Variants in UNC5D observed in about 807,000 individuals in gnomAD.
UNC5D encodes unc-5 netrin receptor D, also known as netrin receptor UNC5D.
In UNC5D, 39 loss-of-function variants were observed where a neutral mutation model predicts 105.4. That is an observed-to-expected ratio of 0.37 (90% CI 0.29 to 0.48). UNC5D has a LOEUF of 0.48. UNC5D is among the 20% of genes least tolerant of loss of function. The pLI is 0.98. For synonymous variants in UNC5D, 452 were observed against 450.4 expected, an observed-to-expected ratio of 1.00 and a Z score of -0.04; for missense variants, 991 against 1,202.4, an observed-to-expected ratio of 0.82 and a Z score of 2.60.
chr8:35,334,583 G>A (rs1052441348), intron 1 of UNC5D, among the ~76,000 whole-genome samples: 3 of 151,864 alleles, frequency 2.0e-5, no homozygotes, highest in Admixed American at 2.0e-4. Flanking sequence ...CACCATCTCG[G>A]CTCACTGCAA....
At chr8:35,416,358 GA>G (rs1372895137) in intron 1 of UNC5D, among the ~76,000 whole-genome samples, 1 of 152,080 alleles carries the variant, frequency 6.6e-6, no homozygotes, top group Non-Finnish European at 1.5e-5. Flanking sequence ...CCCAGCAAAA[GA>G]AAGAAAAGTT....
chr8:35,446,011 A>AT (rs1184317981), intron 1 of UNC5D, among the ~76,000 whole-genome samples: 1 of 151,848 alleles, frequency 6.6e-6, no homozygotes, highest in Admixed American at 6.6e-5. Flanking sequence ...TTTTTCTTAA[A>AT]TTTTTTATTT....
In UNC5D at chr8:35,610,144, G is replaced by C. The variant is rs1820575802; in HGVS notation, c.570+14487G>C. The stretch of plus-strand genomic sequence containing the variant: ...ATTTGAAAAAAAAAAAGTGCTATGA[G>C]ATGCTGAAAAGCTATATGAGCTTTC... On this transcript the variant is annotated intron_variant, in intron 4 of 16. Transcript: ENST00000404895. Among the ~76,000 whole-genome samples, 3 of 151,880 alleles carry C rather than the reference G, an allele frequency of 2.0e-5. No homozygotes were observed. The South Asian group carries it at 6.2e-4, about 32-fold the overall frequency.
chr8:35,239,593 GGGT>G (rs1268080366), intron 1 of UNC5D, among the ~76,000 whole-genome samples: 1 of 151,900 alleles, frequency 6.6e-6, no homozygotes, highest in East Asian at 1.9e-4. Flanking sequence ...TTAAGGAAGG[GGGT>G]GGTGGTGGTG....
intron 1 of UNC5D, among the ~76,000 whole-genome samples, chr8:35,376,774 G>A (rs781490755): frequency 1.4e-4 from 21 of 152,110 alleles, no homozygotes; most frequent in Non-Finnish European, 2.6e-4. Context: ...GCTGTCCACA[G>A]TGATCTCTGA....
chr8:35,405,960 C>T lies in UNC5D; in HGVS notation c.104-143332C>T, dbSNP rs573362050. On this transcript the variant is annotated intron_variant, in intron 1 of 16. Coordinates refer to ENST00000404895, the MANE Select transcript of UNC5D (RefSeq NM_080872.4). The stretch of plus-strand genomic sequence containing the variant: ...TTCTAGGTTTGCAGACTTAAATGGA[C>T]TAAAGGGAAGGAAAATGCAAAAATT... 1.9e-4 allele frequency among the ~76,000 whole-genome samples: 29 copies of T among 152,080 alleles called. No homozygotes were observed. The East Asian group carries it at 5.6e-3, about 29-fold the overall frequency.
At chr8:35,741,416 A>C (rs1327784869) in intron 11 of UNC5D, among the ~76,000 whole-genome samples, 1 of 152,020 alleles carries the variant, frequency 6.6e-6, no homozygotes, top group African/African-American at 2.4e-5. Context: ...TTAATAGTAC[A>C]TCCATATGCT....
chr8:35,711,799 T>G (rs186643977), intron 8 of UNC5D, among the ~76,000 whole-genome samples: 14 of 152,342 alleles, frequency 9.2e-5, no homozygotes, highest in African/African-American at 3.1e-4. Context: ...TATATTTTCA[T>G]TGCCTTTATT....
Position 35,311,318 on chromosome 8 carries a change from A to T in UNC5D, c.103+75431A>T, listed in dbSNP as rs543093202. On this transcript the variant is annotated intron_variant, in intron 1 of 16. Transcript: ENST00000404895. Reference sequence around the variant, plus strand: ...TGCCAAAAAGTCTGGACCATGGAAGATGTTTTTTTTCAGAGGAGCGATGTG... The same window carrying T: ...TGCCAAAAAGTCTGGACCATGGAAGTTGTTTTTTTTCAGAGGAGCGATGTG... Among the ~76,000 whole-genome samples, 3 of 152,252 alleles carry T rather than the reference A, an allele frequency of 2.0e-5. 1 individual carries two copies. The South Asian group carries it at 6.2e-4, about 32-fold the overall frequency.
intron 8 of UNC5D, 55 bp downstream of exon 8, chr8:35,706,016 T>C (rs1394865280): frequency 4.3e-6 from 5 of 1,169,654 alleles, no homozygotes; most frequent in Non-Finnish European, 4.8e-6. Flanking sequence ...GCTGCCTTGC[T>C]GTTGTATTTG....
chr8:35,249,017 T>A (rs1169117611), intron 1 of UNC5D, among the ~76,000 whole-genome samples: 2 of 46,090 alleles, frequency 4.3e-5, no homozygotes, highest in South Asian at 2.9e-3. Context: ...ATAATATATA[T>A]TATATATGTT....
chr8:35,772,959 T>C (rs1802075531), intron 15 of UNC5D, among the ~76,000 whole-genome samples: 1 of 152,098 alleles, frequency 6.6e-6, no homozygotes, highest in African/African-American at 2.4e-5. Flanking sequence ...AGGAAGCTCA[T>C]AGACTGGCTG....
intron 8 of UNC5D, among the ~76,000 whole-genome samples, chr8:35,706,805 A>G (rs928113345): frequency 6.6e-6 from 1 of 152,180 alleles, no homozygotes; most frequent in African/African-American, 2.4e-5. Flanking sequence ...TAAATTAAAT[A>G]TGCACCACCT....
At chr8:35,541,816 G>C (rs1172547907) in intron 1 of UNC5D, among the ~76,000 whole-genome samples, 1 of 152,010 alleles carries the variant, frequency 6.6e-6, no homozygotes, top group African/African-American at 2.4e-5. Context: ...CTAGAACATT[G>C]TCTAATCTTA....
At chr8:35,246,438 G>T (rs1803104317) in intron 1 of UNC5D, among the ~76,000 whole-genome samples, 1 of 152,024 alleles carries the variant, frequency 6.6e-6, no homozygotes, top group Non-Finnish European at 1.5e-5. Flanking sequence ...TCTTAAATCA[G>T]TGGCTGTAGG....
At chr8:35,678,676 T>C (rs1037226537) in intron 4 of UNC5D, among the ~76,000 whole-genome samples, 1 of 152,200 alleles carries the variant, frequency 6.6e-6, no homozygotes, top group African/African-American at 2.4e-5. Context: ...CACTTTTTTA[T>C]GTTTTTACTA....
chr8:35,550,851 G>A (rs1343609238), intron 2 of UNC5D, among the ~76,000 whole-genome samples: 1 of 152,180 alleles, frequency 6.6e-6, no homozygotes, highest in Admixed American at 6.5e-5. Flanking sequence ...ACCATATGGA[G>A]GAGAGAGGAG....
intron 2 of UNC5D, among the ~76,000 whole-genome samples, chr8:35,557,310 G>A (rs1196971356): frequency 1.3e-5 from 2 of 152,142 alleles, no homozygotes; most frequent in Admixed American, 6.5e-5. Context: ...GACTGAACTC[G>A]CGGTGCTTCT....
chr8:35,786,296 T>G (rs1802739018), intron 16 of UNC5D, among the ~76,000 whole-genome samples: 1 of 152,208 alleles, frequency 6.6e-6, no homozygotes, highest in African/African-American at 2.4e-5. Flanking sequence ...AGAATAAATT[T>G]AAAATTTGCT....
Sources: gnomAD v4.1 joint callset for allele counts (sites outside exome capture counted in the v4.1 genomes callset) on GRCh38, gnomAD v4.1.1 for gene constraint, MANE v1.5 for transcripts, NCBI Gene and HGNC (gene_info 2026-07-23, HGNC 2026-07-21) for gene names.